ROPN1: variants seen among roughly 807,000 people sequenced by gnomAD.
ROPN1 encodes the protein rhophilin associated tail protein 1, also known as ropporin-1A.
In ROPN1, 14 loss-of-function variants were observed where a neutral mutation model predicts 20.5. The observed-to-expected ratio is 0.68, with a 90% confidence interval of 0.45 to 1.07. The LOEUF (loss-of-function observed/expected upper bound fraction) is 1.07, where lower values mean the gene tolerates loss of function less well. ROPN1 is among the 50% of genes least tolerant of loss of function. ROPN1 has a pLI of 0.00. For missense variants in ROPN1, 169 were observed against 242.8 expected (o/e 0.70, Z 2.02); for synonymous variants, 76 against 95.7 (o/e 0.79, Z 1.20).
chr3:123,980,719 T>C lies in ROPN1; in HGVS notation c.-12-226A>G, dbSNP rs748466791. 4 of 418,192 alleles carry C rather than the reference T, an allele frequency of 9.6e-6. No individual in the cohort carries two copies. The Admixed American group carries it at 1.2e-4, about 12-fold the overall frequency. The allele number at this position is 418,192 out of a possible 1,614,324, so 25.9% of individuals were successfully genotyped here. On this transcript the variant is annotated intron_variant, in intron 1 of 5. Coordinates refer to ENST00000405845, the MANE Select transcript of ROPN1 (RefSeq NM_001317774.2). ...CTTTACATAAAAATTACACAGCCCT[T>C]GTTCATTTAAAAAGTGGAGGTCAGC...
chr3:123,986,596 G>A (rs192959081), intron 1 of ROPN1, among the ~76,000 whole-genome samples: 1 of 152,218 alleles, frequency 6.6e-6, no homozygotes, highest in African/African-American at 2.4e-5. Context: ...GTTGGCAGGG[G>A]TGGTGCTTGC....
At chr3:123,986,075 GAAT>G (rs2038248606) in intron 1 of ROPN1, among the ~76,000 whole-genome samples, 1 of 132,674 alleles carries the variant, frequency 7.5e-6, no homozygotes. Flanking sequence ...TGAAAATCTA[GAAT>G]TGTAATTACT....
intron 4 of ROPN1, among the ~76,000 whole-genome samples, chr3:123,973,483 A>G (rs1342664023): frequency 1.3e-5 from 2 of 152,180 alleles, no homozygotes; most frequent in African/African-American, 4.8e-5. Flanking sequence ...CTCATGGAAT[A>G]TTGAATCCCA....
chr3:123,983,607 G>A (rs1171969948), intron 1 of ROPN1, among the ~76,000 whole-genome samples: 1 of 152,128 alleles, frequency 6.6e-6, no homozygotes, highest in Non-Finnish European at 1.5e-5. Flanking sequence ...TCATTTTGGG[G>A]CAAGGAATCT....
chr3:123,970,912 G>C (rs1483626786), intron 4 of ROPN1, among the ~76,000 whole-genome samples: 2 of 152,088 alleles, frequency 1.3e-5, no homozygotes, highest in African/African-American at 4.8e-5. Context: ...AATGAAACTT[G>C]AACATTAAAG....
intron 2 of ROPN1, chr3:123,979,925 A>G (rs2038102147): frequency 5.7e-6 from 2 of 350,450 alleles, no homozygotes; most frequent in Non-Finnish European, 1.1e-5. Context: ...CCATCCACCC[A>G]GGGCTGTCGC....
intron 3 of ROPN1, 90 bp downstream of exon 3, chr3:123,976,774 C>T: frequency 7.9e-7 from 1 of 1,273,622 alleles, no homozygotes; most frequent in Non-Finnish European, 1.1e-6. Context: ...GGTCAGCTGA[C>T]TGTCAGGAGA....
chr3:123,988,459 C>T (rs2038320235), intron 1 of ROPN1, among the ~76,000 whole-genome samples: 1 of 152,148 alleles, frequency 6.6e-6, no homozygotes, highest in African/African-American at 2.4e-5. Context: ...CAAGCAAGGG[C>T]TCTGAGGGGG....
chr3:123,987,384 T>G (rs558416106), intron 1 of ROPN1, among the ~76,000 whole-genome samples: 1 of 152,346 alleles, frequency 6.6e-6, no homozygotes, highest in South Asian at 2.1e-4. Context: ...CTGTCCACTG[T>G]CTGTGCCTTC....
rs138798391 is a variant in ROPN1 at position 123,986,856 on chromosome 3, C to T, written c.-13+5066G>A. On this transcript the variant is annotated intron_variant, in intron 1 of 5. Transcript: ENST00000405845. Reference sequence around the variant, plus strand: ...CTCTCCACTGATCAGGCATGGTCCACCAGTGCAGAAGCTATGGTGTGGACC... The same window carrying T: ...CTCTCCACTGATCAGGCATGGTCCATCAGTGCAGAAGCTATGGTGTGGACC... 1.4e-3 allele frequency among the ~76,000 whole-genome samples: 215 copies of T among 152,358 alleles called. 1 individual carries two copies. Among genetic ancestry groups the T allele is most frequent in the Non-Finnish European group, 2.0e-3 (139 of 68,032 alleles).
In ROPN1 at chr3:123,972,737, T is replaced by C. The variant is rs192196144; in HGVS notation, c.397-2520A>G. On this transcript the variant is annotated intron_variant, in intron 4 of 5. Transcript: ENST00000405845. ...AACAAACTGGCTTTTCTGAATGGCA[T>C]AGAGATCTTGTCTTGCTATTGAATT... is the stretch of plus-strand genomic sequence containing the variant. Among the ~76,000 whole-genome samples, 3 of 152,338 alleles carry C rather than the reference T, an allele frequency of 2.0e-5. No individual in the cohort carries two copies. The East Asian group carries it at 5.8e-4, about 29-fold the overall frequency.
At chr3:123,977,818 C>T (rs376178614) in intron 2 of ROPN1, among the ~76,000 whole-genome samples, 15 of 152,250 alleles carry the variant, frequency 9.9e-5, no homozygotes, top group Admixed American at 2.6e-4. Context: ...GAGTGGACTT[C>T]GTTTGGGGGC....
intron 4 of ROPN1, among the ~76,000 whole-genome samples, chr3:123,974,189 T>C (rs571514841): frequency 2.0e-5 from 3 of 152,330 alleles, no homozygotes; most frequent in East Asian, 1.9e-4. Context: ...TTTAAAGGTA[T>C]ATTTTCCCCC....
chr3:123,972,598 C>T (rs180712598), intron 4 of ROPN1, among the ~76,000 whole-genome samples: 19 of 152,326 alleles, frequency 1.2e-4, no homozygotes, highest in Admixed American at 1.0e-3. Context: ...GAATACAGGT[C>T]TGCATGCCAT....
In ROPN1 at chr3:123,969,189, T is replaced by C. The variant is rs1258832761; in HGVS notation, c.605A>G (p.Asp202Gly). ...CTGAACCCTGGGGTTTTGGGTAAAG[T>C]CATTCACTGTGATTATACCATCAGG... ...IGPDGIITVNDFTQNPRVQLE is the reference protein window; with the variant it reads ...IGPDGIITVNGFTQNPRVQLE Residue 202 changes from aspartate to glycine, a missense_variant, in exon 6 of 6, where the codon GAC becomes GGC. Coordinates refer to ENST00000405845, the MANE Select transcript of ROPN1 (RefSeq NM_001317774.2). 1 of 1,614,022 alleles carries C rather than the reference T, an allele frequency of 6.2e-7. No individual in the cohort carries two copies. The highest frequency in any genetic ancestry group is 1.7e-5 in the Admixed American group (1 of 60,014).
chr3:123,981,906 GCAAA>G (rs1038369012), intron 1 of ROPN1, among the ~76,000 whole-genome samples: 6 of 151,778 alleles, frequency 4.0e-5, no homozygotes, highest in African/African-American at 7.3e-5. Context: ...ACACAAACAA[GCAAA>G]CAAACAAAAC....
rs1368342451 is a variant in ROPN1 at position 123,970,087 on chromosome 3, G to C, written c.527C>G (p.Ser176Cys). ...TYIAKVDGEI[S>C]ASHVSRMLNY... ...TAGCATCCTGCTGACATGTGATGCA[G>C]AGATCTCCCCATCCACTTTGGCAAT... is the stretch of plus-strand genomic sequence containing the variant. The change falls in exon 5 of 6, where the codon TCT (serine) becomes TGT (cysteine). Residue 176 changes from serine (S) to cysteine (C), a missense_variant. Transcript: ENST00000405845. 1.2e-6 allele frequency: 2 copies of C among 1,614,162 alleles called. No individual in the cohort carries two copies. Among genetic ancestry groups the C allele is most frequent in the South Asian group, 1.1e-5 (1 of 91,072 alleles).
At chr3:123,989,494 G>C (rs1043812374) in intron 1 of ROPN1, among the ~76,000 whole-genome samples, 18 of 152,204 alleles carry the variant, frequency 1.2e-4, no homozygotes, top group African/African-American at 4.1e-4. Flanking sequence ...ACAGGGCACT[G>C]GAAGGACTGG....
At chr3:123,977,370 A>T (rs1393497424) in intron 2 of ROPN1, among the ~76,000 whole-genome samples, 1 of 152,226 alleles carries the variant, frequency 6.6e-6, no homozygotes, top group African/African-American at 2.4e-5. Flanking sequence ...GAAGAGAACT[A>T]AAAAGTAATG....
Sources: gnomAD v4.1 joint callset for allele counts (sites outside exome capture counted in the v4.1 genomes callset) on GRCh38, gnomAD v4.1.1 for gene constraint, MANE v1.5 for transcripts, NCBI Gene and HGNC (gene_info 2026-07-23, HGNC 2026-07-21) for gene names.